AMBP: variants seen among roughly 807,000 people sequenced by gnomAD.
AMBP encodes alpha-1-microglobulin/bikunin precursor.
In AMBP, 37 loss-of-function variants were observed where a neutral mutation model predicts 46.3. The ratio of observed to expected loss-of-function variants is 0.80; its 90% CI spans 0.61 to 1.05. The LOEUF (loss-of-function observed/expected upper bound fraction) is 1.05, where lower values mean the gene tolerates loss of function less well. Ranked by LOEUF, AMBP falls within the 50% of genes least tolerant of loss-of-function variation. The pLI, the probability that AMBP is intolerant of heterozygous loss-of-function variation, is 0.00. For missense variants in AMBP, 475 were observed against 461.2 expected (o/e 1.03, Z -0.27); for synonymous variants, 174 against 175.9 (o/e 0.99, Z 0.09).
rs1846814077 is a variant in AMBP at position 114,076,654 on chromosome 9, C to T, written c.204G>A (p.Leu68=). ...CCTCTGTAGCGCCCTCTCCCAGCAC[C>T]AGCGTGCTCACTGTCATCCTGTCCA... ...KIMDRMTVST[L]VLGEGATEAE... is the part of the protein sequence containing the mutation. The change falls in exon 2 of 10, where the codon CTG becomes CTA. Residue 68 remains leucine, a synonymous_variant. Transcript: ENST00000265132. 3 of 1,614,096 alleles carry T rather than the reference C, an allele frequency of 1.9e-6. No homozygotes were observed. The highest frequency in any genetic ancestry group is 1.3e-5 in the African/African-American group (1 of 75,020).
rs759622979 is a variant in AMBP at position 114,067,284 on chromosome 9, C to G, written c.603+2415G>C. Reference sequence around the variant, plus strand: ...AGACAAGGTCTCACTGTTGCCCAGGCTAGAGTGCAGTGGCACAATCATAGC... The same window carrying G: ...AGACAAGGTCTCACTGTTGCCCAGGGTAGAGTGCAGTGGCACAATCATAGC... On this transcript the variant is annotated intron_variant, in intron 6 of 9. Transcript: ENST00000265132. Among the ~76,000 whole-genome samples the G allele has an allele frequency of 4.4e-4, 67 of 152,096 alleles. 1 individual carries two copies. Among genetic ancestry groups the G allele is most frequent in the Non-Finnish European group, 1.5e-4 (10 of 68,020 alleles).
chr9:114,060,946 ACT>A lies in AMBP; in HGVS notation c.1004_1005del (p.Glu335ValfsTer7). On this transcript the variant is annotated frameshift_variant, in exon 9 of 10. Transcript: ENST00000265132. LOFTEE classifies it high-confidence loss of function. ...NKFYSEKECR[E>X]YCGVPGDGDE... ...CTACCATCACCAGGGACACCGCAGT[ACT>A]CTCTGCACTCCTTCTCTGAGTAGAA... 2 of 1,614,094 alleles carry A rather than the reference ACT, an allele frequency of 1.2e-6. No individual in the cohort carries two copies. The highest frequency in any genetic ancestry group is 2.2e-5 in the South Asian group (2 of 91,064).
At chr9:114,075,412 T>G (rs1846795797) in intron 2 of AMBP, among the ~76,000 whole-genome samples, 1 of 152,218 alleles carries the variant, frequency 6.6e-6, no homozygotes, top group South Asian at 2.1e-4. Context: ...CTTGCCCCAG[T>G]TTTCTCATTT....
At chr9:114,063,084 C>A (rs1024578338) in intron 6 of AMBP, among the ~76,000 whole-genome samples, 3 of 152,194 alleles carry the variant, frequency 2.0e-5, no homozygotes, top group Admixed American at 6.5e-5. Context: ...GGGAGAGCAG[C>A]ACCCTCACAC....
Position 114,074,054 on chromosome 9 carries a change from T to C in AMBP, c.436A>G (p.Ile146Val), listed in dbSNP as rs919139082. The C allele has an allele frequency of 2.5e-6, 4 of 1,614,000 alleles. No homozygotes were observed. Among genetic ancestry groups the C allele is most frequent in the South Asian group, 1.1e-5 (1 of 91,080 alleles). The change falls in exon 4 of 10, where the codon ATT becomes GTT. Residue 146 changes from isoleucine to valine, a missense_variant. Transcript: ENST00000265132. ...KKFSRHHGPT[I>V]TAKLYGRAPQ... The stretch of plus-strand genomic sequence containing the variant: ...CCTTTACCGTAGAGCTTGGCAGTAA[T>C]GGTGGGTCCATGATGGCGGCTGAAT...
At chr9:114,075,581 G>A (rs772819109) in intron 2 of AMBP, among the ~76,000 whole-genome samples, 1 of 152,224 alleles carries the variant, frequency 6.6e-6, no homozygotes, top group Non-Finnish European at 1.5e-5. Context: ...CAGCACCTAT[G>A]TGGCAAGCCC....
chr9:114,060,291 AG>A lies in AMBP; in HGVS notation c.1028-22del, dbSNP rs781580773. ...ATCACCTGTGGACACAGAGAGACTC[AG>A]GGAGGGGTCCGTAGGCAGGGACACT... On this transcript the variant is annotated intron_variant, in intron 9 of 9. Transcript: ENST00000265132. The A allele has an allele frequency of 2.5e-6, 4 of 1,612,562 alleles. No homozygotes were observed. In the South Asian group the frequency reaches 4.4e-5, roughly 18 times the overall value.
intron 6 of AMBP, among the ~76,000 whole-genome samples, chr9:114,067,322 A>G (rs948820261): frequency 1.3e-5 from 2 of 152,110 alleles, no homozygotes; most frequent in Non-Finnish European, 1.5e-5. Context: ...ACTGTAACCT[A>G]GAACTCCTGG....
intron 6 of AMBP, 35 bp from the exon 7 acceptor site, chr9:114,062,793 A>T (rs1277302664): frequency 6.3e-7 from 1 of 1,596,878 alleles, no homozygotes. Context: ...GCAGTTGCAG[A>T]CTCCTTGCCG....
intron 5 of AMBP, among the ~76,000 whole-genome samples, chr9:114,072,401 CCTCA>C (rs976100089): frequency 4.6e-5 from 7 of 152,218 alleles, no homozygotes; most frequent in Non-Finnish European, 1.0e-4. Flanking sequence ...TGGACCCCAC[CCTCA>C]CTCACACATC....
intron 6 of AMBP, among the ~76,000 whole-genome samples, chr9:114,065,592 G>A (rs1846686262): frequency 1.3e-5 from 2 of 152,092 alleles, no homozygotes; most frequent in African/African-American, 4.8e-5. Flanking sequence ...CACACAGACA[G>A]TATTCAGACC....
At chr9:114,062,294 T>C (rs1283625003) in intron 7 of AMBP, among the ~76,000 whole-genome samples, 1 of 152,210 alleles carries the variant, frequency 6.6e-6, no homozygotes, top group Non-Finnish European at 1.5e-5. Context: ...TCATGGACAC[T>C]GTCAACTACA....
Position 114,061,559 on chromosome 9 carries a change from A to G in AMBP, c.718T>C (p.Cys240Arg). Residue 240 changes from cysteine to arginine, a missense_variant, in exon 8 of 10, where the codon TGC (cysteine) becomes CGC (arginine). Transcript: ENST00000265132. ...SCQLGYSAGP[C>R]MGMTSRYFYN... The stretch of plus-strand genomic sequence containing the variant: ...AAATACCTGCTGGTCATTCCCATGC[A>G]GGGACCGGCCGAGTAGCCCAGCTGG... 1.9e-6 allele frequency: 3 copies of G among 1,609,606 alleles called. No homozygotes were observed. The South Asian group carries it at 3.3e-5, about 18-fold the overall frequency.
chr9:114,068,609 TAA>T (rs542602247), intron 6 of AMBP, among the ~76,000 whole-genome samples: 1 of 144,144 alleles, frequency 6.9e-6, no homozygotes, highest in Admixed American at 6.9e-5. Flanking sequence ...CTGTCTCAAT[TAA>T]AAAAAAAAAA....
chr9:114,068,300 A>G (rs1378947035), intron 6 of AMBP, among the ~76,000 whole-genome samples: 1 of 151,352 alleles, frequency 6.6e-6, no homozygotes, highest in Non-Finnish European at 1.5e-5. Context: ...GTTTCTTTAA[A>G]CAAAAAAAAA....
At position 114,069,592 on chromosome 9, in the gene AMBP, C is replaced by G. The variant is rs373336239; in HGVS notation, c.603+107G>C. 16 of 1,114,884 alleles carry G rather than the reference C, an allele frequency of 1.4e-5. No individual in the cohort carries two copies. In the East Asian group the frequency reaches 3.1e-4, roughly 21 times the overall value. 69.1% of individuals were successfully genotyped at this position (1,114,884 alleles called of 1,614,324 possible). A position where few individuals can be genotyped will look rare whatever the true frequency, so the allele number is the denominator to read the frequency against. On this transcript the variant is annotated intron_variant, in intron 6 of 9. Transcript: ENST00000265132. ...TGGCCATCGCTGCCTTCTCTCACCC[C>G]CTCCCCATGACTCTGCCTCCCCCCG...
chr9:114,070,850 A>G (rs1448856302), intron 5 of AMBP, among the ~76,000 whole-genome samples: 1 of 151,618 alleles, frequency 6.6e-6, no homozygotes, highest in African/African-American at 2.4e-5. Context: ...GTGACTGTCA[A>G]GCCTGATACT....
At chr9:114,066,376 C>CTGTGTGT (rs369182476) in intron 6 of AMBP, among the ~76,000 whole-genome samples, 2 of 141,184 alleles carry the variant, frequency 1.4e-5, no homozygotes, top group African/African-American at 5.3e-5. Flanking sequence ...TTTATGTGCA[C>CTGTGTGT]GTGTGTGTGT....
intron 5 of AMBP, among the ~76,000 whole-genome samples, chr9:114,070,084 A>G (rs892843301): frequency 6.6e-6 from 1 of 152,234 alleles, no homozygotes; most frequent in Non-Finnish European, 1.5e-5. Context: ...TTTTACAGCA[A>G]CTTCTAAGGA....
Sources: gnomAD v4.1 joint callset for allele counts (sites outside exome capture counted in the v4.1 genomes callset) on GRCh38, gnomAD v4.1.1 for gene constraint, MANE v1.5 for transcripts, NCBI Gene and HGNC (gene_info 2026-07-23, HGNC 2026-07-21) for gene names.